ZNF385D: variants seen among roughly 807,000 people sequenced by gnomAD.
ZNF385D encodes the protein zinc finger protein 659.
Under a neutral mutation model 35.8 loss-of-function variants are expected in ZNF385D, and 15 were observed. The ratio of observed to expected loss-of-function variants is 0.42; its 90% CI spans 0.28 to 0.64. ZNF385D has a LOEUF of 0.64. ZNF385D is among the 30% of genes least tolerant of loss of function. ZNF385D has a pLI of 0.23. For missense variants in ZNF385D, 474 were observed against 494.6 expected, an observed-to-expected ratio of 0.96 and a Z score of 0.39; for synonymous variants, 212 against 186.8, an observed-to-expected ratio of 1.13 and a Z score of -1.10.
chr3:21,661,035 A>G (rs928509360), intron 2 of ZNF385D, among the ~76,000 whole-genome samples: 3 of 152,202 alleles, frequency 2.0e-5, no homozygotes, highest in African/African-American at 7.2e-5. Context: ...AATATTTCAC[A>G]GAATGTGGAT....
At chr3:21,862,444 A>G (rs1697108375) in intron 3 of ZNF385D, among the ~76,000 whole-genome samples, 1 of 152,126 alleles carries the variant, frequency 6.6e-6, no homozygotes, top group African/African-American at 2.4e-5. Context: ...AAGAAATAGG[A>G]AAAGTAACAG....
chr3:21,569,409 T>G (rs1234401192), intron 2 of ZNF385D, among the ~76,000 whole-genome samples: 1 of 150,774 alleles, frequency 6.6e-6, no homozygotes, highest in Non-Finnish European at 1.5e-5. Flanking sequence ...GTTTTCCATT[T>G]GCTTGGTAGA....
intron 2 of ZNF385D, among the ~76,000 whole-genome samples, chr3:22,232,247 A>C (rs1456746432): frequency 1.3e-5 from 2 of 152,158 alleles, no homozygotes; most frequent in Non-Finnish European, 2.9e-5. Context: ...AGTATAACTA[A>C]AAATTTTTCT....
chr3:21,716,942 T>G (rs1053921393), intron 1 of ZNF385D, among the ~76,000 whole-genome samples: 3 of 151,940 alleles, frequency 2.0e-5, no homozygotes, highest in Non-Finnish European at 4.4e-5. Flanking sequence ...GCCAACATGG[T>G]GAAACCCCGT....
intron 3 of ZNF385D, among the ~76,000 whole-genome samples, chr3:22,149,256 T>C (rs1042212357): frequency 6.6e-6 from 1 of 152,222 alleles, no homozygotes; most frequent in African/African-American, 2.4e-5. Context: ...TACATGTTAG[T>C]ATCCCAACCT....
chr3:21,977,308 A>T (rs1703691202), intron 3 of ZNF385D, among the ~76,000 whole-genome samples: 1 of 150,348 alleles, frequency 6.7e-6, no homozygotes, highest in Non-Finnish European at 1.5e-5. Flanking sequence ...TTTTGTATAT[A>T]CATACTACAT....
At chr3:21,497,068 A>G (rs1046109180) in intron 4 of ZNF385D, among the ~76,000 whole-genome samples, 5 of 152,264 alleles carry the variant, frequency 3.3e-5, no homozygotes, top group African/African-American at 1.2e-4. Flanking sequence ...GGCAAGAGAA[A>G]GAAAGAAAAG....
chr3:21,566,764 A>G, intron 2 of ZNF385D, among the ~76,000 whole-genome samples: 1 of 152,162 alleles, frequency 6.6e-6, no homozygotes, highest in East Asian at 1.9e-4. Flanking sequence ...AAATGTGACA[A>G]ATGCATAGAG....
chr3:21,440,306 T>C (rs1701794224), intron 4 of ZNF385D, among the ~76,000 whole-genome samples: 1 of 152,158 alleles, frequency 6.6e-6, no homozygotes, highest in African/African-American at 2.4e-5. Context: ...TGACATGATG[T>C]GATGAAAATT....
At chr3:21,496,331 A>C (rs1456470616) in intron 4 of ZNF385D, among the ~76,000 whole-genome samples, 3 of 145,220 alleles carry the variant, frequency 2.1e-5, no homozygotes, top group Non-Finnish European at 4.5e-5. Flanking sequence ...ATCTCTGCCA[A>C]CTTTAGGTAT....
At chr3:21,581,759 C>T (rs952347351) in intron 2 of ZNF385D, among the ~76,000 whole-genome samples, 3 of 152,128 alleles carry the variant, frequency 2.0e-5, no homozygotes, top group Non-Finnish European at 4.4e-5. Flanking sequence ...AATTAATAAT[C>T]TAGCTTTTAA....
intron 2 of ZNF385D, among the ~76,000 whole-genome samples, chr3:22,225,705 C>A (rs1698514144): frequency 6.6e-6 from 1 of 152,146 alleles, no homozygotes; most frequent in South Asian, 2.1e-4. Context: ...GATTCAACAA[C>A]CAAATAAACT....
intron 2 of ZNF385D, among the ~76,000 whole-genome samples, chr3:22,287,477 TTCTC>T (rs1702084766): frequency 6.6e-6 from 1 of 151,998 alleles, no homozygotes; most frequent in African/African-American, 2.4e-5. Context: ...GGCTTAATGG[TTCTC>T]TCTAATGATA....
chr3:21,816,364 CA>C, intron 3 of ZNF385D, among the ~76,000 whole-genome samples: 1 of 152,206 alleles, frequency 6.6e-6, no homozygotes, highest in African/African-American at 2.4e-5. Flanking sequence ...AAAGGGTATT[CA>C]ATTAAGAAAA....
chr3:22,143,853 A>G (rs770483599), intron 3 of ZNF385D, among the ~76,000 whole-genome samples: 75 of 152,330 alleles, frequency 4.9e-4, no homozygotes, highest in Non-Finnish European at 9.7e-4. Flanking sequence ...TTGTAACTAC[A>G]CAATGTATTA....
At chr3:22,280,267 T>C (rs1293874629) in intron 2 of ZNF385D, among the ~76,000 whole-genome samples, 1 of 152,142 alleles carries the variant, frequency 6.6e-6, no homozygotes, top group Non-Finnish European at 1.5e-5. Flanking sequence ...GTTCAGAAGT[T>C]TTTCATTTAT....
At chr3:21,995,221 T>C (rs905254979) in intron 3 of ZNF385D, among the ~76,000 whole-genome samples, 1 of 152,148 alleles carries the variant, frequency 6.6e-6, no homozygotes, top group Admixed American at 6.5e-5. Flanking sequence ...GCATATGTGG[T>C]AGGGGCCAAT....
At chr3:22,224,201 G>A (rs1698424690) in intron 2 of ZNF385D, among the ~76,000 whole-genome samples, 1 of 152,106 alleles carries the variant, frequency 6.6e-6, no homozygotes, top group African/African-American at 2.4e-5. Context: ...TTCAGTACAG[G>A]TAGATTTCAG....
intron 3 of ZNF385D, among the ~76,000 whole-genome samples, chr3:22,126,648 G>A (rs1195890386): frequency 6.6e-6 from 1 of 152,080 alleles, no homozygotes; most frequent in Non-Finnish European, 1.5e-5. Context: ...GAAAAAATGT[G>A]TATTCTGCAG....
Sources: allele counts gnomAD v4.1 joint callset (sites outside exome capture counted in the v4.1 genomes callset), GRCh38; gene constraint gnomAD v4.1.1; transcripts MANE v1.5; gene names NCBI Gene and HGNC (gene_info 2026-07-23, HGNC 2026-07-21).